Variants in CAMK2D observed in about 807,000 individuals in gnomAD.
CAMK2D encodes calcium/calmodulin-dependent protein kinase type II subunit delta.
In CAMK2D, 37 loss-of-function variants were observed where a neutral mutation model predicts 84.0. The observed-to-expected ratio is 0.44, with a 90% confidence interval of 0.34 to 0.58. The LOEUF (loss-of-function observed/expected upper bound fraction) is 0.58. Among genes scored for constraint, CAMK2D ranks in the 20% least tolerant of loss-of-function variants. CAMK2D has a pLI of 0.02. For missense variants in CAMK2D, 448 were observed against 652.5 expected, an observed-to-expected ratio of 0.69 and a Z score of 3.41; for synonymous variants, 202 against 212.5, an observed-to-expected ratio of 0.95 and a Z score of 0.43.
At chr4:113,754,007 A>G in intron 2 of CAMK2D, 1 of 950,226 alleles carries the variant, frequency 1.1e-6, no homozygotes, top group Non-Finnish European at 1.3e-6. Flanking sequence ...TTTTCCTAAC[A>G]CTGTCCACTG....
intron 3 of CAMK2D, among the ~76,000 whole-genome samples, chr4:113,648,673 T>A (rs768280479): frequency 1.1e-4 from 17 of 152,206 alleles, no homozygotes; most frequent in Non-Finnish European, 2.5e-4. Context: ...AGACGTTATG[T>A]TGCTTTTTCA....
intron 3 of CAMK2D, among the ~76,000 whole-genome samples, chr4:113,622,232 T>C (rs1418684209): frequency 6.6e-6 from 1 of 152,170 alleles, no homozygotes; most frequent in Non-Finnish European, 1.5e-5. Context: ...ACCCTTCCTA[T>C]TAATTTTATG....
intron 2 of CAMK2D, among the ~76,000 whole-genome samples, chr4:113,705,971 A>G (rs936663482): frequency 6.6e-6 from 1 of 152,198 alleles, no homozygotes; most frequent in African/African-American, 2.4e-5. Flanking sequence ...GGCAGGAGAC[A>G]GAGACACGGG....
intron 4 of CAMK2D, among the ~76,000 whole-genome samples, chr4:113,596,754 G>C (rs371748681): frequency 2.6e-5 from 4 of 151,970 alleles, no homozygotes; most frequent in Admixed American, 6.6e-5. Context: ...CTGTCGTCTC[G>C]GCTTTGTTGT....
At chr4:113,536,831 T>G (rs1458621837) in intron 7 of CAMK2D, among the ~76,000 whole-genome samples, 11 of 152,220 alleles carry the variant, frequency 7.2e-5, no homozygotes, top group African/African-American at 2.7e-4. Context: ...GAAACTGGCA[T>G]GTTGAAGACA....
chr4:113,460,022 T>C (rs2097354149), intron 18 of CAMK2D, 125 bp downstream of exon 18: 2 of 677,702 alleles, frequency 3.0e-6, no homozygotes, highest in Admixed American at 2.6e-5. Context: ...AAAACCATTG[T>C]ATGGTTTCAA....
chr4:113,680,143 T>C (rs1023056549), intron 2 of CAMK2D, among the ~76,000 whole-genome samples: 3 of 152,170 alleles, frequency 2.0e-5, no homozygotes, highest in African/African-American at 4.8e-5. Flanking sequence ...TTTCACATTA[T>C]TTAAGTTCTT....
rs138322340 is a variant in CAMK2D, at chr4:113,727,060, T to C, written c.160+32260A>G. On this transcript the variant is annotated intron_variant, in intron 2 of 20. Coordinates refer to ENST00000511664, the MANE Select transcript of CAMK2D (RefSeq NM_001321571.2). The stretch of plus-strand genomic sequence containing the variant: ...TAATTGATCAACTAGTCTCCGCTCA[T>C]GTGTTCTTTCTTGTGCATTATTCTG... Among the ~76,000 whole-genome samples, 972 of 152,292 alleles carry C rather than the reference T, an allele frequency of 6.4e-3. 9 individuals carry two copies. Among genetic ancestry groups the C allele is most frequent in the African/African-American group, 0.022 (902 of 41,550 alleles).
intron 2 of CAMK2D, among the ~76,000 whole-genome samples, chr4:113,751,627 A>C (rs1311151464): frequency 6.6e-6 from 1 of 151,968 alleles, no homozygotes; most frequent in Non-Finnish European, 1.5e-5. Flanking sequence ...AAAATTAGCC[A>C]GGCGTGGTGG....
intron 4 of CAMK2D, among the ~76,000 whole-genome samples, chr4:113,592,260 T>G (rs986765741): frequency 6.6e-6 from 1 of 151,998 alleles, no homozygotes; most frequent in Admixed American, 6.6e-5. Flanking sequence ...AATGGATGAG[T>G]GCATGGCAGA....
chr4:113,687,353 T>A (rs2099362930), intron 2 of CAMK2D, among the ~76,000 whole-genome samples: 1 of 152,208 alleles, frequency 6.6e-6, no homozygotes, highest in South Asian at 2.1e-4. Flanking sequence ...CATCAATTGA[T>A]CTTACATGTC....
chr4:113,514,219 C>A (rs1429892582), intron 10 of CAMK2D, among the ~76,000 whole-genome samples: 1 of 152,114 alleles, frequency 6.6e-6, no homozygotes, highest in African/African-American at 2.4e-5. Flanking sequence ...TTGAGACCAG[C>A]CTGGCCAACA....
intron 16 of CAMK2D, among the ~76,000 whole-genome samples, chr4:113,498,966 T>C (rs1203106149): frequency 6.6e-6 from 1 of 152,198 alleles, no homozygotes; most frequent in Non-Finnish European, 1.5e-5. Flanking sequence ...ATTCTCCTAA[T>C]TTTATTTGGT....
chr4:113,471,342 C>T (rs939193619), intron 16 of CAMK2D, among the ~76,000 whole-genome samples: 5 of 152,102 alleles, frequency 3.3e-5, no homozygotes, highest in Admixed American at 6.6e-5. Flanking sequence ...CTGGCTCTGA[C>T]CGCATGCTGA....
intron 2 of CAMK2D, among the ~76,000 whole-genome samples, chr4:113,681,928 T>C (rs536094460): frequency 1.4e-4 from 21 of 152,254 alleles, no homozygotes; most frequent in Non-Finnish European, 2.8e-4. Flanking sequence ...TAATTCCAGT[T>C]TGCTGGTTTC....
intron 17 of CAMK2D, among the ~76,000 whole-genome samples, chr4:113,463,908 G>A (rs565836806): frequency 6.6e-6 from 1 of 151,964 alleles, no homozygotes; most frequent in South Asian, 2.1e-4. Flanking sequence ...ACAAATTTTT[G>A]TTCATGTTTT....
At chr4:113,717,165 G>C (rs2099516136) in intron 2 of CAMK2D, among the ~76,000 whole-genome samples, 1 of 152,146 alleles carries the variant, frequency 6.6e-6, no homozygotes, top group Non-Finnish European at 1.5e-5. Context: ...CACAAATTAA[G>C]AGGGAAAGGC....
intron 2 of CAMK2D, among the ~76,000 whole-genome samples, chr4:113,681,759 C>T (rs1592952499): frequency 6.6e-6 from 1 of 151,972 alleles, no homozygotes; most frequent in African/African-American, 2.4e-5. Flanking sequence ...GACACCCAGA[C>T]AATCCACTAT....
chr4:113,661,299 A>G (rs982963650), intron 3 of CAMK2D, among the ~76,000 whole-genome samples: 1 of 152,166 alleles, frequency 6.6e-6, no homozygotes. Context: ...ATACGACTCT[A>G]CAGAAAGGAC....
Sources: allele counts gnomAD v4.1 joint callset (sites outside exome capture counted in the v4.1 genomes callset), GRCh38; gene constraint gnomAD v4.1.1; transcripts MANE v1.5; gene names NCBI Gene and HGNC (gene_info 2026-07-23, HGNC 2026-07-21).